Variants in ATXN10 observed in about 807,000 individuals in gnomAD.
ATXN10 encodes ataxin-10.
In ATXN10, 28 loss-of-function variants were observed where a neutral mutation model predicts 52.9. That is an observed-to-expected ratio of 0.53 (90% CI 0.39 to 0.73). The LOEUF is 0.73. ATXN10 is among the 30% of genes least tolerant of loss of function. ATXN10 has a pLI of 0.00. For missense variants in ATXN10, 565 were observed against 577.0 expected, an observed-to-expected ratio of 0.98 and a Z score of 0.21; for synonymous variants, 226 against 221.5, an observed-to-expected ratio of 1.02 and a Z score of -0.18.
intron 10 of ATXN10, among the ~76,000 whole-genome samples, chr22:45,838,131 C>T (rs887518358): frequency 6.6e-6 from 1 of 152,158 alleles, no homozygotes; most frequent in Non-Finnish European, 1.5e-5. Flanking sequence ...CTTGGCACAT[C>T]AATCTGCTGG....
rs1929429949 is a variant in ATXN10, at chr22:45,843,899, G to T, written c.*228G>T. ...TGTGTGGTTTGCCTTTGTCCCCCTGGATAGAACGTGCATTTAAAGAATATA... is the reference window on the plus strand; with the variant it reads ...TGTGTGGTTTGCCTTTGTCCCCCTGTATAGAACGTGCATTTAAAGAATATA... On this transcript the variant is annotated 3_prime_UTR_variant, in exon 12 of 12. Coordinates refer to ENST00000252934, the MANE Select transcript of ATXN10 (RefSeq NM_013236.4). This position sits in a 1 kb window ranked among gnomAD's most constrained non-coding sequence, Gnocchi z 4.5. 5.1e-6 allele frequency: 3 copies of T among 585,858 alleles called. No individual in the cohort carries two copies. The highest frequency in any genetic ancestry group is 9.1e-6 in the Non-Finnish European group (3 of 330,088). 36.3% of individuals were successfully genotyped at this position (585,858 alleles called of 1,614,324 possible). A position where few individuals can be genotyped will look rare whatever the true frequency, so the allele number is the denominator to read the frequency against.
intron 9 of ATXN10, chr22:45,793,494 C>T (rs1927590798): frequency 1.0e-5 from 11 of 1,070,614 alleles, no homozygotes; most frequent in Non-Finnish European, 1.3e-5. Flanking sequence ...TCTCACTGCT[C>T]CTTCTGCTAT....
chr22:45,682,131 A>AT (rs1922948082), intron 1 of ATXN10, among the ~76,000 whole-genome samples: 1 of 151,970 alleles, frequency 6.6e-6, no homozygotes, highest in African/African-American at 2.4e-5. Context: ...ATCTGCTGTA[A>AT]TTTTTCCATA....
chr22:45,789,562 G>A lies in ATXN10; in HGVS notation c.1174-17397G>A, dbSNP rs1209053304. Among the ~76,000 whole-genome samples the A allele has an allele frequency of 2.6e-5, 4 of 152,152 alleles. No individual in the cohort carries two copies. The highest frequency in any genetic ancestry group is 9.7e-5 in the African/African-American group (4 of 41,430). On this transcript the variant is annotated intron_variant, in intron 9 of 11. Coordinates refer to ENST00000252934, the MANE Select transcript of ATXN10 (RefSeq NM_013236.4). This position sits in a 1 kb window ranked among gnomAD's most constrained non-coding sequence, Gnocchi z 4.0. ...GAGGGATTCAATTGTCACCGCCCTG[G>A]GAAGGCGCCAGTGAAGGGCCTGGAA...
Position 45,759,637 on chromosome 22 carries a change from C to G in ATXN10, c.1173+19099C>G, listed in dbSNP as rs756902419. On this transcript the variant is annotated intron_variant, in intron 9 of 11. Transcript: ENST00000252934. The surrounding 1 kb of genome is among the most constrained non-coding windows in gnomAD (Gnocchi z 5.4). The stretch of plus-strand genomic sequence containing the variant: ...GGCTGCACGAGGATGAGCAAGGTTT[C>G]ATAATGTCCTCCAGAGGCCAGTTTA... Among the ~76,000 whole-genome samples, 1 of 152,144 alleles carries G rather than the reference C, an allele frequency of 6.6e-6. No individual in the cohort carries two copies. The highest frequency in any genetic ancestry group is 1.5e-5 in the Non-Finnish European group (1 of 68,014).
rs919726980 is a variant in ATXN10, at chr22:45,715,254, G to A, written c.648-3159G>A. ...TGTTTAAAAACTGTTTATATATATT[G>A]TCTGGTTTTATGTTGTTTAAGGTAG... On this transcript the variant is annotated intron_variant, in intron 5 of 11. Transcript: ENST00000252934. The surrounding 1 kb of genome is among the most constrained non-coding windows in gnomAD (Gnocchi z 4.4). Among the ~76,000 whole-genome samples, 3 of 149,692 alleles carry A rather than the reference G, an allele frequency of 2.0e-5. No individual in the cohort carries two copies. Among genetic ancestry groups the A allele is most frequent in the African/African-American group, 7.3e-5 (3 of 41,190 alleles).
rs1040254121 is a variant in ATXN10, at chr22:45,770,401, G to C, written c.1173+29863G>C. 6.6e-6 allele frequency among the ~76,000 whole-genome samples: 1 copy of C among 152,194 alleles called. No homozygotes were observed. Among genetic ancestry groups the C allele is most frequent in the Non-Finnish European group, 1.5e-5 (1 of 68,036 alleles). The stretch of plus-strand genomic sequence containing the variant: ...GACAGGTGATGTGAAAAAGAGGGGG[G>C]TATGTGATGAATATACACACTAATG... On this transcript the variant is annotated intron_variant, in intron 9 of 11. Transcript: ENST00000252934. The surrounding 1 kb of genome is among the most constrained non-coding windows in gnomAD (Gnocchi z 4.5).
rs1385077838 is a variant in ATXN10, at chr22:45,826,965, T to G, written c.1238-16026T>G. ...GTCTGAAAGGATTACTAGTTTATTT[T>G]TGGGGTACACAGCATATAAGGTTTT... On this transcript the variant is annotated intron_variant, in intron 10 of 11. Transcript: ENST00000252934. The surrounding 1 kb of genome is among the most constrained non-coding windows in gnomAD (Gnocchi z 5.0). 6.6e-6 allele frequency among the ~76,000 whole-genome samples: 1 copy of G among 152,236 alleles called. No homozygotes were observed. Among genetic ancestry groups the G allele is most frequent in the Non-Finnish European group, 1.5e-5 (1 of 68,044 alleles).
In ATXN10 at chr22:45,841,911, T is replaced by TAGACC. The variant is rs1929357008; in HGVS notation, c.1238-1080_1238-1079insAGACC. Among the ~76,000 whole-genome samples the TAGACC allele has an allele frequency of 1.3e-5, 2 of 152,220 alleles. No homozygotes were observed. Among genetic ancestry groups the TAGACC allele is most frequent in the South Asian group, 4.1e-4 (2 of 4,830 alleles). ...CTCTTTAGCTCTAGGGTTTGATACC[T>TAGACC]TGTGGGGACACTGACTCCCTGGTTC... On this transcript the variant is annotated intron_variant, in intron 10 of 11. Transcript: ENST00000252934. This position sits in a 1 kb window ranked among gnomAD's most constrained non-coding sequence, Gnocchi z 5.1.
intron 1 of ATXN10, chr22:45,672,826 G>A (rs949492922): frequency 6.6e-6 from 1 of 152,402 alleles, no homozygotes; most frequent in Non-Finnish European, 1.5e-5. Context: ...TTTGGTTCCT[G>A]GCCTTGCAAG....
intron 9 of ATXN10, among the ~76,000 whole-genome samples, chr22:45,749,752 A>C (rs2146814131): frequency 6.6e-6 from 1 of 152,028 alleles, no homozygotes; most frequent in Non-Finnish European, 1.5e-5. Flanking sequence ...TTGGTAGAAA[A>C]ACAGGGTCTT....
intron 9 of ATXN10, among the ~76,000 whole-genome samples, chr22:45,748,641 T>C (rs1162873540): frequency 6.6e-6 from 1 of 152,218 alleles, no homozygotes; most frequent in Non-Finnish European, 1.5e-5. Context: ...CTTACCTCAA[T>C]TGGATTGTGC....
chr22:45,721,547 ACCC>A (rs1208773795), intron 6 of ATXN10, among the ~76,000 whole-genome samples: 1 of 152,142 alleles, frequency 6.6e-6, no homozygotes, highest in Non-Finnish European at 1.5e-5. Flanking sequence ...TACCTCTGTA[ACCC>A]AGGGCAAATA....
rs1441398720 is a variant in ATXN10 at position 45,828,881 on chromosome 22, AGG to A, written c.1238-14109_1238-14108del. 1.3e-5 allele frequency among the ~76,000 whole-genome samples: 2 copies of A among 152,198 alleles called. No homozygotes were observed. Among genetic ancestry groups the A allele is most frequent in the Non-Finnish European group, 2.9e-5 (2 of 68,018 alleles). The stretch of plus-strand genomic sequence containing the variant: ...TTCTCAAACTTTTCCAAAAAAATTG[AGG>A]AGAAGAGAACACTTCCTAACTCATT... On this transcript the variant is annotated intron_variant, in intron 10 of 11. Transcript: ENST00000252934. This position sits in a 1 kb window ranked among gnomAD's most constrained non-coding sequence, Gnocchi z 4.5.
At position 45,820,354 on chromosome 22, in the gene ATXN10, G is replaced by A. The variant is rs888347940; in HGVS notation, c.1237+13332G>A. Among the ~76,000 whole-genome samples, 3 of 152,216 alleles carry A rather than the reference G, an allele frequency of 2.0e-5. No homozygotes were observed. The highest frequency in any genetic ancestry group is 7.2e-5 in the African/African-American group (3 of 41,456). On this transcript the variant is annotated intron_variant, in intron 10 of 11. Transcript: ENST00000252934. The surrounding 1 kb of genome is among the most constrained non-coding windows in gnomAD (Gnocchi z 4.9). Reference sequence around the variant, plus strand: ...TGATAATACAGGACAGAACGCTAAGGGGTGGTAGAAGAAAGGATGGCCTAC... The same window carrying A: ...TGATAATACAGGACAGAACGCTAAGAGGTGGTAGAAGAAAGGATGGCCTAC...
In ATXN10 at chr22:45,672,020, C is replaced by T. The variant is rs1429815896; in HGVS notation, c.-44C>T. 6.5e-7 allele frequency: 1 copy of T among 1,527,992 alleles called. No homozygotes were observed. The highest frequency in any genetic ancestry group is 8.8e-7 in the Non-Finnish European group (1 of 1,140,732). 94.7% of individuals were successfully genotyped at this position (1,527,992 alleles called of 1,614,324 possible). On this transcript the variant is annotated 5_prime_UTR_variant, in exon 1 of 12. Coordinates refer to ENST00000252934, the MANE Select transcript of ATXN10 (RefSeq NM_013236.4). ...TCATCCTCCCCCTTCGTCCTCCTCG[C>T]CTTCCTCCTCCTCGTCAGGCTCGAC...
At chr22:45,747,254 C>G (rs1019657085) in intron 9 of ATXN10, among the ~76,000 whole-genome samples, 3 of 152,148 alleles carry the variant, frequency 2.0e-5, no homozygotes, top group African/African-American at 7.2e-5. Flanking sequence ...GTAAACCCAG[C>G]AAGCACATTG....
intron 9 of ATXN10, among the ~76,000 whole-genome samples, chr22:45,785,747 TGAGG>T (rs1927302201): frequency 6.6e-6 from 1 of 152,216 alleles, no homozygotes; most frequent in Non-Finnish European, 1.5e-5. Context: ...TGTGGAAGTC[TGAGG>T]AAGCCGCGAG....
In ATXN10 at chr22:45,795,947, T is replaced by C. The variant is rs1294001192; in HGVS notation, c.1174-11012T>C. Among the ~76,000 whole-genome samples, 1 of 152,192 alleles carries C rather than the reference T, an allele frequency of 6.6e-6. No individual in the cohort carries two copies. The highest frequency in any genetic ancestry group is 1.5e-5 in the Non-Finnish European group (1 of 68,042). On this transcript the variant is annotated intron_variant, in intron 9 of 11. Transcript: ENST00000252934. The surrounding 1 kb of genome is among the most constrained non-coding windows in gnomAD (Gnocchi z 4.6). Reference sequence around the variant, plus strand: ...CATGTGTGTTTGAACAATATGAAATTTGGGCACCTTGAAAAAGAACTGGGT... The same window carrying C: ...CATGTGTGTTTGAACAATATGAAATCTGGGCACCTTGAAAAAGAACTGGGT...
Sources: gnomAD v4.1 joint callset for allele counts (sites outside exome capture counted in the v4.1 genomes callset) on GRCh38, gnomAD v4.1.1 for gene constraint, Gnocchi (gnomAD v3.1) non-coding constraint, MANE v1.5 for transcripts, NCBI Gene and HGNC (gene_info 2026-07-23, HGNC 2026-07-21) for gene names.